The following IL1RN variants were observed in gnomAD, a reference collection of about 807,000 sequenced individuals.
IL1RN encodes interleukin 1 receptor antagonist.
IL1RN carries 10 observed loss-of-function variants against 13.7 expected under a neutral mutation model. The observed-to-expected ratio is 0.73, with a 90% CI of 0.45 to 1.24. IL1RN has a LOEUF of 1.24. Ranked by LOEUF, IL1RN falls within the 50% of genes most tolerant of loss-of-function variation. IL1RN has a pLI of 0.00. For missense variants in IL1RN, 213 were observed against 222.1 expected (o/e 0.96, Z 0.26); for synonymous variants, 102 against 82.7 (o/e 1.23, Z -1.27).
chr2:113,132,568 A>G, intron 3 of IL1RN, 88 bp from the exon 4 acceptor site: 1 of 1,228,156 alleles, frequency 8.1e-7, no homozygotes, highest in Non-Finnish European at 1.2e-6. Context: ...GGCTGTCCAG[A>G]GGGCCATTTC....
upstream of IL1RN, among the ~76,000 whole-genome samples, chr2:113,105,733 T>C (rs1047441076): frequency 3.3e-5 from 5 of 152,256 alleles, no homozygotes; most frequent in East Asian, 1.9e-4. Context: ...AACTGTATAA[T>C]TGTCTATAAA....
At chr2:113,109,138 A>G (rs1686446459), upstream of IL1RN, among the ~76,000 whole-genome samples, 1 of 152,160 alleles carries the variant, frequency 6.6e-6, no homozygotes, top group Non-Finnish European at 1.5e-5. Flanking sequence ...AATAAAATAA[A>G]AAATTAAGTC....
At chr2:113,126,339 T>C (rs1188706284), upstream of IL1RN, among the ~76,000 whole-genome samples, 2 of 152,204 alleles carry the variant, frequency 1.3e-5, no homozygotes, top group East Asian at 3.8e-4. Context: ...CTGCATACTT[T>C]TGCCATCAGC....
chr2:113,126,682 C>T (rs1038083642), upstream of IL1RN, among the ~76,000 whole-genome samples: 3 of 152,066 alleles, frequency 2.0e-5, no homozygotes, highest in Admixed American at 6.5e-5. Flanking sequence ...TCCTCCCTCC[C>T]TCCCTCCCTC....
In IL1RN at chr2:113,133,582, A is replaced by T. The variant is rs1054640295; in HGVS notation, c.*711A>T. On this transcript the variant is annotated 3_prime_UTR_variant, in exon 4 of 4. Transcript: ENST00000409930. Reference sequence around the variant, plus strand: ...TTTTTTCCTTTTAAAACACTTCCATAATCTGGACTCCTCTGTCCAGGCACT... The same window carrying T: ...TTTTTTCCTTTTAAAACACTTCCATTATCTGGACTCCTCTGTCCAGGCACT... The T allele has an allele frequency of 2.0e-5, 3 of 152,800 alleles. No homozygotes were observed. The highest frequency in any genetic ancestry group is 7.3e-5 in the African/African-American group (3 of 41,332). 9.5% of individuals were successfully genotyped at this position (152,800 alleles called of 1,614,324 possible).
upstream of IL1RN, among the ~76,000 whole-genome samples, chr2:113,123,683 G>A (rs1296199168): frequency 6.6e-6 from 1 of 152,116 alleles, no homozygotes; most frequent in Admixed American, 6.5e-5. Flanking sequence ...AAGGATTTAG[G>A]CACATGCAAG....
Position 113,133,427 on chromosome 2 carries a change from A to C in IL1RN, c.*556A>C. ...TCTTTCGGGGAGAGGCTGAGGACTT[A>C]AAATATTCCTGCATTTGTGAAATGA... On this transcript the variant is annotated 3_prime_UTR_variant, in exon 4 of 4. Transcript: ENST00000409930. 1 of 159,800 alleles carries C rather than the reference A, an allele frequency of 6.3e-6. No homozygotes were observed. Among genetic ancestry groups the C allele is most frequent in the Non-Finnish European group, 1.4e-5 (1 of 72,032 alleles). The allele number at this position is 159,800 out of a possible 1,614,324, so 9.9% of individuals were successfully genotyped here. A position where few individuals can be genotyped will look rare whatever the true frequency, so the allele number is the denominator to read the frequency against.
At chr2:113,114,684 A>T (rs1686559968), upstream of IL1RN, among the ~76,000 whole-genome samples, 1 of 151,780 alleles carries the variant, frequency 6.6e-6, no homozygotes, top group Admixed American at 6.6e-5. Flanking sequence ...TGTGTGTGAG[A>T]GAGAGAGAGA....
chr2:113,118,135 A>G (rs1353775922), intron 1 of IL1RN: 1 of 1,577,480 alleles, frequency 6.3e-7, no homozygotes, highest in Non-Finnish European at 8.7e-7. Context: ...AGCGTCCAGG[A>G]AAATGTCAAG....
intron 3 of IL1RN, among the ~76,000 whole-genome samples, chr2:113,131,905 G>A (rs1267153408): frequency 2.0e-5 from 3 of 152,152 alleles, no homozygotes; most frequent in Non-Finnish European, 4.4e-5. Context: ...TCCCTCACCA[G>A]GGACACTGTT....
upstream of IL1RN, among the ~76,000 whole-genome samples, chr2:113,104,461 G>A (rs1313243999): frequency 6.6e-6 from 1 of 152,140 alleles, no homozygotes; most frequent in Admixed American, 6.5e-5. Flanking sequence ...GCCCCCACAT[G>A]TCTATTCCTG....
At chr2:113,100,982 C>A in the IL1RN span, among the ~76,000 whole-genome samples, 2 of 152,144 alleles carry the variant, frequency 1.3e-5, no homozygotes, top group African/African-American at 4.8e-5. Flanking sequence ...GGGAGACACC[C>A]AGGGAATAAG....
chr2:113,109,326 C>T (rs1270948798), upstream of IL1RN, among the ~76,000 whole-genome samples: 3 of 150,322 alleles, frequency 2.0e-5, no homozygotes, highest in Non-Finnish European at 4.4e-5. Flanking sequence ...GCAGGAGAAT[C>T]GCTTGAACCC....
chr2:113,121,072 C>CTCTTCTTCTTCCTCTTCCTCT (rs1686763013), intron 2 of IL1RN, among the ~76,000 whole-genome samples: 1 of 147,766 alleles, frequency 6.8e-6, no homozygotes. Context: ...CCTCCTCCTC[C>CTCTTCTTCTTCCTCTTCCTCT]TCCTCTTCTT....
upstream of IL1RN, chr2:113,127,406 A>G (rs562361058): frequency 5.3e-6 from 5 of 939,616 alleles, no homozygotes; most frequent in South Asian, 2.5e-4. Context: ...GCACAGGGGA[A>G]AAAGGGGAGG....
chr2:113,118,719 C>G (rs777420352), intron 1 of IL1RN, among the ~76,000 whole-genome samples: 6 of 152,232 alleles, frequency 3.9e-5, no homozygotes, highest in Non-Finnish European at 7.3e-5. Flanking sequence ...TATGTAGACT[C>G]TAATTTTAAG....
At chr2:113,130,087 T>C in intron 2 of IL1RN, 1 of 210,542 alleles carries the variant, frequency 4.7e-6, no homozygotes, top group Middle Eastern at 1.9e-3. Flanking sequence ...AGCCATATTC[T>C]GGTCCACACA....
At chr2:113,115,093 G>A (rs576595789), upstream of IL1RN, among the ~76,000 whole-genome samples, 8 of 152,278 alleles carry the variant, frequency 5.3e-5, no homozygotes, top group South Asian at 2.1e-4. Context: ...AAACAACTAC[G>A]GTCGTAGATA....
upstream of IL1RN, among the ~76,000 whole-genome samples, chr2:113,126,686 C>G (rs1270833383): frequency 6.6e-6 from 1 of 152,090 alleles, no homozygotes; most frequent in Non-Finnish European, 1.5e-5. Context: ...CCCTCCCTCC[C>G]TCCCTCTTTC....
Sources: gnomAD v4.1 joint callset for allele counts (sites outside exome capture counted in the v4.1 genomes callset) on GRCh38, gnomAD v4.1.1 for gene constraint, MANE v1.5 for transcripts, NCBI Gene and HGNC (gene_info 2026-07-23, HGNC 2026-07-21) for gene names.